RP1: variants seen among roughly 807,000 people sequenced by gnomAD.
RP1 encodes the protein RP1 axonemal microtubule associated, also known as oxygen-regulated protein 1.
In RP1, 16 loss-of-function variants were observed where a neutral mutation model predicts 14.8. That is an observed-to-expected ratio of 1.08 (90% confidence interval 0.73 to 1.65). The LOEUF (loss-of-function observed/expected upper bound fraction) is 1.65, where lower values mean the gene tolerates loss of function less well. Among genes scored for constraint, RP1 ranks in the 40% most tolerant of loss-of-function variants. The pLI is 0.00. For missense variants in RP1, 2,631 were observed against 2,535.0 expected, an observed-to-expected ratio of 1.04 and a Z score of -0.81; for synonymous variants, 876 against 883.6, an observed-to-expected ratio of 0.99 and a Z score of 0.15.
chr8:54,563,812 G>A (rs1036241648), intron 1 of RP1, among the ~76,000 whole-genome samples: 2 of 152,142 alleles, frequency 1.3e-5, no homozygotes, highest in Admixed American at 1.3e-4. Context: ...GCCTCCCAAA[G>A]TGTTGGGATT....
Position 54,675,479 on chromosome 8 carries a change from G to A in RP1, c.1402+1551G>A, listed in dbSNP as rs57691778. ...GTTGGATACATCAGTTACTCTCCTC[G>A]GTTGTTTGTACTTTGTAGATAGGGA... On this transcript the variant is annotated intron_variant, in intron 8 of 22. Coordinates refer to the RP1 transcript ENST00000636932. Among the ~76,000 whole-genome samples the A allele has an allele frequency of 0.015, 2,342 of 152,124 alleles. 140 individuals are homozygous for A. In the East Asian group the frequency reaches 0.18, roughly 12 times the overall value.
chr8:54,639,398 G>T (rs1806415543), intron 3 of RP1, among the ~76,000 whole-genome samples: 2 of 152,090 alleles, frequency 1.3e-5, no homozygotes, highest in African/African-American at 2.4e-5. Context: ...CAGTCTTCTT[G>T]CAGGACATAC....
intron 11 of RP1, chr8:54,679,688 T>G (rs1401638285): frequency 2.6e-5 from 39 of 1,522,866 alleles, no homozygotes; most frequent in African/African-American, 6.9e-5. Context: ...GACTATTTGA[T>G]GTGTTAAAAC....
At chr8:54,633,737 C>CTCTCTCTCTCTCTATA (rs1236298691), downstream of RP1, among the ~76,000 whole-genome samples, 1 of 118,806 alleles carries the variant, frequency 8.4e-6, no homozygotes, top group African/African-American at 3.3e-5. Flanking sequence ...CTCTCTCTCT[C>CTCTCTCTCTCTCTATA]TATATATATA....
downstream of RP1, chr8:54,630,851 G>A: frequency 1.0e-6 from 1 of 991,802 alleles, no homozygotes; most frequent in Non-Finnish European, 1.2e-6. Context: ...AATATGTTGA[G>A]TCCAGTTCCT....
chr8:54,700,888 C>T (rs2129343238), intron 13 of RP1, among the ~76,000 whole-genome samples: 1 of 152,228 alleles, frequency 6.6e-6, no homozygotes. Context: ...GCTCTGCCGC[C>T]TCCCTGCCAT....
chr8:54,838,922 T>A (rs1470921184), intron 25 of RP1, among the ~76,000 whole-genome samples: 1 of 152,234 alleles, frequency 6.6e-6, no homozygotes, highest in Non-Finnish European at 1.5e-5. Context: ...AGAGCTTATG[T>A]CACAGGATTG....
At chr8:54,566,853 A>C (rs1419952936) in intron 1 of RP1, among the ~76,000 whole-genome samples, 6 of 152,228 alleles carry the variant, frequency 3.9e-5, no homozygotes, top group Admixed American at 6.5e-5. Flanking sequence ...CCCAGAGACA[A>C]AACTACTTTA....
At chr8:54,834,921 A>G (rs181525173) in intron 24 of RP1, among the ~76,000 whole-genome samples, 11 of 152,300 alleles carry the variant, frequency 7.2e-5, no homozygotes, top group Non-Finnish European at 1.2e-4. Context: ...TTGGTGTTCC[A>G]ATGTTTTTCT....
chr8:54,803,230 T>G (rs577395067), intron 24 of RP1, among the ~76,000 whole-genome samples: 13 of 152,346 alleles, frequency 8.5e-5, no homozygotes, highest in Non-Finnish European at 1.5e-4. Flanking sequence ...GGAGTCCATG[T>G]GATAAATGGA....
intron 24 of RP1, among the ~76,000 whole-genome samples, chr8:54,805,458 A>G (rs1810824964): frequency 6.6e-6 from 1 of 152,220 alleles, no homozygotes; most frequent in African/African-American, 2.4e-5. Context: ...AAATAAAATA[A>G]TACAAAATAA....
chr8:54,583,256 G>A (rs200899244), intron 1 of RP1, among the ~76,000 whole-genome samples: 4 of 152,116 alleles, frequency 2.6e-5, no homozygotes, highest in East Asian at 3.8e-4. Flanking sequence ...TATTGAGATA[G>A]TCATGTGGTT....
intron 25 of RP1, among the ~76,000 whole-genome samples, chr8:54,843,823 C>G (rs1329524480): frequency 6.6e-6 from 1 of 152,092 alleles, no homozygotes; most frequent in Admixed American, 6.5e-5. Context: ...GAAGCAGGCC[C>G]GCTGTTGGGA....
intron 1 of RP1, among the ~76,000 whole-genome samples, chr8:54,565,774 T>C (rs901517379): frequency 1.3e-5 from 2 of 152,002 alleles, no homozygotes; most frequent in African/African-American, 4.8e-5. Context: ...ACATTAGACT[T>C]TTAGGGATGC....
intron 12 of RP1, among the ~76,000 whole-genome samples, chr8:54,695,544 T>G (rs1360332683): frequency 2.6e-5 from 4 of 152,150 alleles, no homozygotes; most frequent in Non-Finnish European, 2.9e-5. Flanking sequence ...ATGAAATCAT[T>G]AGAACAATAA....
At chr8:54,618,406 T>C (rs1368800597) in intron 1 of RP1, among the ~76,000 whole-genome samples, 2 of 152,172 alleles carry the variant, frequency 1.3e-5, no homozygotes, top group Non-Finnish European at 2.9e-5. Flanking sequence ...ATTCTTAGCA[T>C]ATTGGCTCAC....
intron 8 of RP1, among the ~76,000 whole-genome samples, chr8:54,676,041 C>T (rs989735334): frequency 2.6e-5 from 4 of 152,016 alleles, no homozygotes; most frequent in African/African-American, 9.7e-5. Context: ...TATGAGGGCA[C>T]TCATCCCACT....
intron 12 of RP1, among the ~76,000 whole-genome samples, chr8:54,683,438 T>C (rs970547958): frequency 6.6e-6 from 1 of 152,198 alleles, no homozygotes; most frequent in Non-Finnish European, 1.5e-5. Flanking sequence ...TCTGTGAGCA[T>C]GGACTGTTTC....
At chr8:54,663,981 T>G (rs1407684816) in intron 7 of RP1, 9 of 876,768 alleles carry the variant, frequency 1.0e-5, no homozygotes, top group Non-Finnish European at 1.4e-5. Context: ...TTCACATTTC[T>G]GTGCAACAGA....
Sources: allele counts gnomAD v4.1 joint callset (sites outside exome capture counted in the v4.1 genomes callset), GRCh38; gene constraint gnomAD v4.1.1; transcripts MANE v1.5; gene names NCBI Gene and HGNC (gene_info 2026-07-23, HGNC 2026-07-21).